The following SLC44A5 variants were observed in gnomAD, a reference collection of about 807,000 sequenced individuals.
The protein encoded by SLC44A5 is choline transporter-like protein 5.
SLC44A5 carries 57 observed loss-of-function variants against 101.8 expected under a neutral mutation model. That is an observed-to-expected ratio of 0.56 (90% confidence interval 0.45 to 0.70). The LOEUF is 0.70. Among genes scored for constraint, SLC44A5 ranks in the 30% least tolerant of loss-of-function variants. The probability of loss-of-function intolerance (pLI) is 0.00; values close to 1 mark genes in which losing one functional copy is unlikely to be tolerated. For synonymous variants in SLC44A5, 281 were observed against 290.9 expected (o/e 0.97, Z 0.35); for missense variants, 737 against 853.1 (o/e 0.86, Z 1.70).
chr1:75,553,015 C>A (rs570426086), intron 1 of SLC44A5, among the ~76,000 whole-genome samples: 1 of 152,164 alleles, frequency 6.6e-6, no homozygotes, highest in African/African-American at 2.4e-5. Flanking sequence ...AAATTACGTA[C>A]CAAGTCAAAA....
chr1:75,508,774 T>TA (rs57075429), intron 2 of SLC44A5, among the ~76,000 whole-genome samples: 56,416 of 151,976 alleles, frequency 0.37, 11,297 homozygotes, highest in African/African-American at 0.52. Flanking sequence ...CTTCTTTATG[T>TA]AAGAAAAGGT....
chr1:75,648,718 G>T, the SLC44A5 span, among the ~76,000 whole-genome samples: 2 of 152,120 alleles, frequency 1.3e-5, no homozygotes, highest in South Asian at 4.2e-4. Context: ...TAAACCAGGG[G>T]TTTTAGGAAA....
At chr1:75,561,696 C>A (rs1672526282) in intron 1 of SLC44A5, among the ~76,000 whole-genome samples, 1 of 152,030 alleles carries the variant, frequency 6.6e-6, no homozygotes, top group African/African-American at 2.4e-5. Context: ...TCCTGATAAC[C>A]CTATCTCTAC....
chr1:75,264,814 G>T (rs1012523598), intron 6 of SLC44A5, among the ~76,000 whole-genome samples: 1 of 151,276 alleles, frequency 6.6e-6, no homozygotes, highest in African/African-American at 2.4e-5. Flanking sequence ...AAAAACAATG[G>T]AAACAATTAA....
At chr1:75,207,804 T>G (rs1278746778) in intron 23 of SLC44A5, among the ~76,000 whole-genome samples, 2 of 152,114 alleles carry the variant, frequency 1.3e-5, no homozygotes, top group Admixed American at 6.6e-5. Context: ...AATAAACAAC[T>G]CATTAATTTT....
intron 4 of SLC44A5, among the ~76,000 whole-genome samples, chr1:75,326,733 T>A (rs1256206413): frequency 1.3e-5 from 2 of 152,158 alleles, no homozygotes; most frequent in African/African-American, 4.8e-5. Context: ...CAGAAAGAGA[T>A]GGAGTTTCAT....
intron 2 of SLC44A5, among the ~76,000 whole-genome samples, chr1:75,404,235 A>C (rs1662699813): frequency 6.6e-6 from 1 of 152,168 alleles, no homozygotes; most frequent in South Asian, 2.1e-4. Context: ...GGTGTATCTG[A>C]AAGTGACCAG....
chr1:75,479,231 G>C lies in SLC44A5; in HGVS notation c.13+62204C>G, dbSNP rs577302627. Among the ~76,000 whole-genome samples, 71 of 152,236 alleles carry C rather than the reference G, an allele frequency of 4.7e-4. 1 individual carries two copies. The East Asian group carries it at 9.8e-3, about 21-fold the overall frequency. On this transcript the variant is annotated intron_variant, in intron 2 of 23. Coordinates refer to ENST00000370859, the MANE Select transcript of SLC44A5 (RefSeq NM_001130058.2). The stretch of plus-strand genomic sequence containing the variant: ...GAACAAAGACACAACATACCAGAAT[G>C]TCTGGGACATATTCAAAGCAGTGTG...
intron 2 of SLC44A5, among the ~76,000 whole-genome samples, chr1:75,487,570 A>G (rs1668219296): frequency 6.6e-6 from 1 of 152,186 alleles, no homozygotes; most frequent in South Asian, 2.1e-4. Flanking sequence ...TCAGAGCTCA[A>G]TGGACTGTGA....
intron 1 of SLC44A5, among the ~76,000 whole-genome samples, chr1:75,548,743 G>A (rs1187868123): frequency 6.6e-6 from 1 of 152,118 alleles, no homozygotes; most frequent in African/African-American, 2.4e-5. Context: ...GATTTTCATA[G>A]CTGGAAAGGA....
intron 2 of SLC44A5, among the ~76,000 whole-genome samples, chr1:75,505,610 T>C (rs1306374421): frequency 2.0e-5 from 3 of 152,168 alleles, no homozygotes; most frequent in Non-Finnish European, 2.9e-5. Flanking sequence ...ATTAACGGTA[T>C]GGAGCATTTA....
chr1:75,213,688 C>G lies in SLC44A5; in HGVS notation c.1962+17G>C. The stretch of plus-strand genomic sequence containing the variant: ...TTTATTATAGCAGCCTGTACTGACT[C>G]AGACACCAGCTCTTACCAGCAAAGG... On this transcript the variant is annotated intron_variant, in intron 22 of 23. Transcript: ENST00000370859. The G allele has an allele frequency of 6.4e-7, 1 of 1,557,318 alleles. No homozygotes were observed. The highest frequency in any genetic ancestry group is 8.9e-7 in the Non-Finnish European group (1 of 1,129,306).
At chr1:75,334,462 G>C (rs1164989922) in intron 4 of SLC44A5, among the ~76,000 whole-genome samples, 1 of 152,152 alleles carries the variant, frequency 6.6e-6, no homozygotes, top group African/African-American at 2.4e-5. Flanking sequence ...GTTGTCCTGG[G>C]AAAGCAGAGT....
Position 75,485,493 on chromosome 1 carries a change from T to C in SLC44A5, c.13+55942A>G, listed in dbSNP as rs145192059. ...GAGACTACCCCAGCCTGGGCTTCAT[T>C]GTTCATATCACTATCAGCATTTTGG... On this transcript the variant is annotated intron_variant, in intron 2 of 23. Coordinates refer to ENST00000370859, the MANE Select transcript of SLC44A5 (RefSeq NM_001130058.2). Among the ~76,000 whole-genome samples, 1,402 of 152,334 alleles carry C rather than the reference T, an allele frequency of 9.2e-3. 22 individuals carry two copies. Among genetic ancestry groups the C allele is most frequent in the African/African-American group, 0.032 (1,336 of 41,576 alleles).
At chr1:75,257,875 G>T (rs1176489093) in intron 6 of SLC44A5, among the ~76,000 whole-genome samples, 1 of 152,064 alleles carries the variant, frequency 6.6e-6, no homozygotes, top group Non-Finnish European at 1.5e-5. Context: ...GGACTAGTTG[G>T]ACAGTGGGTG....
At chr1:75,518,570 C>T (rs1179853729) in intron 2 of SLC44A5, among the ~76,000 whole-genome samples, 1 of 151,918 alleles carries the variant, frequency 6.6e-6, no homozygotes, top group African/African-American at 2.4e-5. Flanking sequence ...GAGAAATAAA[C>T]AAATAAATAG....
chr1:75,214,653 C>A lies in SLC44A5; in HGVS notation c.1754G>T (p.Cys585Phe). 1.2e-6 allele frequency: 2 copies of A among 1,611,534 alleles called. No homozygotes were observed. Among genetic ancestry groups the A allele is most frequent in the Non-Finnish European group, 1.7e-6 (2 of 1,178,688 alleles). The change falls in exon 20 of 24, where the codon TGC becomes TTC. Residue 585 changes from cysteine to phenylalanine, a missense_variant. Coordinates refer to ENST00000370859, the MANE Select transcript of SLC44A5 (RefSeq NM_001130058.2). ...IMIAIYGRNF[C>F]RSAKDAFNLL... ...ATTGAAAGCATCTTTTGCTGACCTG[C>A]AGAAGTTTCTGCCATATATTGCAAT...
At chr1:75,364,851 A>T (rs1659746985) in intron 3 of SLC44A5, among the ~76,000 whole-genome samples, 1 of 151,946 alleles carries the variant, frequency 6.6e-6, no homozygotes, top group Admixed American at 6.6e-5. Context: ...CTTTATTATG[A>T]TTTAGGAAGC....
At chr1:75,718,992 G>A in the SLC44A5 span, among the ~76,000 whole-genome samples, 1 of 152,068 alleles carries the variant, frequency 6.6e-6, no homozygotes, top group African/African-American at 2.4e-5. Flanking sequence ...TTTTGTAATA[G>A]GACACAATTG....
Sources: gnomAD v4.1 joint callset for allele counts (sites outside exome capture counted in the v4.1 genomes callset) on GRCh38, gnomAD v4.1.1 for gene constraint, MANE v1.5 for transcripts, NCBI Gene and HGNC (gene_info 2026-07-23, HGNC 2026-07-21) for gene names.